Variants in LARGE1 observed in about 807,000 individuals in gnomAD.
LARGE1 encodes xylosyl- and glucuronyltransferase LARGE1.
A neutral mutation model predicts 87.6 loss-of-function variants in LARGE1; 43 were observed. The ratio of observed to expected loss-of-function variants is 0.49; its 90% confidence interval spans 0.38 to 0.63. LARGE1 has a LOEUF of 0.63. Ranked by LOEUF, LARGE1 falls within the 30% of genes least tolerant of loss-of-function variation. The pLI, the probability that LARGE1 is intolerant of heterozygous loss-of-function variation, is 0.00. For missense variants in LARGE1, 802 were observed against 1,000.2 expected (o/e 0.80, Z 2.67); for synonymous variants, 434 against 394.6 (o/e 1.10, Z -1.18).
intron 9 of LARGE1, among the ~76,000 whole-genome samples, chr22:33,366,769 C>G (rs112421939): frequency 6.6e-6 from 1 of 152,082 alleles, no homozygotes; most frequent in East Asian, 1.9e-4. Flanking sequence ...GTTTCAGTCT[C>G]GAGTATGTCT....
downstream of LARGE1, among the ~76,000 whole-genome samples, chr22:33,269,775 G>A (rs557241186): frequency 6.6e-6 from 1 of 152,232 alleles, no homozygotes; most frequent in Non-Finnish European, 1.5e-5. Flanking sequence ...GGAGGCCGAG[G>A]TGGGCGGATC....
intron 1 of LARGE1, among the ~76,000 whole-genome samples, chr22:33,838,589 T>C (rs1374016699): frequency 6.6e-6 from 1 of 152,186 alleles, no homozygotes; most frequent in African/African-American, 2.4e-5. Flanking sequence ...CAGTGTGAGC[T>C]ATGATTGTGC....
the LARGE1 span, among the ~76,000 whole-genome samples, chr22:33,072,611 A>C: frequency 5.4e-4 from 82 of 152,316 alleles, 3 homozygotes; most frequent in South Asian, 9.9e-3. Context: ...CTAAAGGTAA[A>C]GTACCAGAAT....
At chr22:33,145,137 G>A in the LARGE1 span, among the ~76,000 whole-genome samples, 2 of 152,126 alleles carry the variant, frequency 1.3e-5, no homozygotes, top group African/African-American at 4.8e-5. Context: ...GAAGGAGGGA[G>A]ATGTCCATGT....
chr22:33,165,574 C>T (rs1182383179), exon 12 of LARGE1: 1 of 152,076 alleles, frequency 6.6e-6, no homozygotes, highest in Non-Finnish European at 1.5e-5. Context: ...AGATCCAAAC[C>T]CCCAAAATTC....
chr22:33,418,199 G>A (rs1020208933), intron 7 of LARGE1, among the ~76,000 whole-genome samples: 3 of 152,086 alleles, frequency 2.0e-5, no homozygotes, highest in African/African-American at 7.2e-5. Flanking sequence ...CACCCGCCTC[G>A]GCCTCCCAAA....
At chr22:33,826,923 T>A (rs554302724) in intron 1 of LARGE1, among the ~76,000 whole-genome samples, 21 of 152,138 alleles carry the variant, frequency 1.4e-4, no homozygotes, top group African/African-American at 5.1e-4. Context: ...ATATCCAAGC[T>A]GGAAATAGCC....
At chr22:33,409,986 T>C (rs2147426088) in intron 7 of LARGE1, among the ~76,000 whole-genome samples, 1 of 151,930 alleles carries the variant, frequency 6.6e-6, no homozygotes, top group Non-Finnish European at 1.5e-5. Flanking sequence ...GGAAAGCAGG[T>C]ACAGAGTGGC....
chr22:33,434,849 C>A (rs999944492), intron 6 of LARGE1, among the ~76,000 whole-genome samples: 1 of 152,150 alleles, frequency 6.6e-6, no homozygotes, highest in Non-Finnish European at 1.5e-5. Context: ...GCCCCCCCTG[C>A]CAATCCCCAC....
At chr22:33,527,738 A>G (rs2071986179) in intron 6 of LARGE1, among the ~76,000 whole-genome samples, 1 of 152,120 alleles carries the variant, frequency 6.6e-6, no homozygotes, top group South Asian at 2.1e-4. Flanking sequence ...TGGCCCCTTG[A>G]CCAGAACAAA....
chr22:33,353,499 A>G (rs1222506412), intron 9 of LARGE1, among the ~76,000 whole-genome samples: 1 of 152,164 alleles, frequency 6.6e-6, no homozygotes, highest in East Asian at 1.9e-4. Flanking sequence ...TATTGCAGGA[A>G]GAGTCAGAGA....
chr22:33,409,355 T>G (rs17802641), intron 7 of LARGE1, among the ~76,000 whole-genome samples: 1 of 152,030 alleles, frequency 6.6e-6, no homozygotes, highest in South Asian at 2.1e-4. Context: ...GGGGAAAGCA[T>G]AGTATAGCAG....
chr22:33,707,505 C>T (rs1362503842), intron 2 of LARGE1, among the ~76,000 whole-genome samples: 1 of 152,244 alleles, frequency 6.6e-6, no homozygotes, highest in African/African-American at 2.4e-5. Context: ...TGCAAAACAA[C>T]CAAGACTGTC....
chr22:33,100,033 G>A, the LARGE1 span, among the ~76,000 whole-genome samples: 1 of 152,098 alleles, frequency 6.6e-6, no homozygotes, highest in Non-Finnish European at 1.5e-5. Flanking sequence ...GACACATGAG[G>A]CTATTTTTAA....
intron 11 of LARGE1, among the ~76,000 whole-genome samples, chr22:33,226,882 G>A (rs992437432): frequency 3.9e-5 from 6 of 151,958 alleles, no homozygotes; most frequent in Non-Finnish European, 7.4e-5. Flanking sequence ...GGCGCCTGCC[G>A]CCGCGCCTGG....
At chr22:33,393,642 G>A (rs1040866759) in intron 7 of LARGE1, among the ~76,000 whole-genome samples, 6 of 152,192 alleles carry the variant, frequency 3.9e-5, no homozygotes, top group Non-Finnish European at 7.3e-5. Flanking sequence ...CTTGACTTTG[G>A]CCTTTGCCTG....
chr22:33,844,883 G>A lies in LARGE1; in HGVS notation c.-83+75112C>T, dbSNP rs141398542. 9.4e-3 allele frequency among the ~76,000 whole-genome samples: 1,435 copies of A among 151,988 alleles called. 19 individuals carry two copies. The highest frequency in any genetic ancestry group is 0.031 in the African/African-American group (1,304 of 41,468). ...TTACAGGCACGCACCACCATGCCTG[G>A]CTAATGTTGTATTTTTAATAGAGAT... On this transcript the variant is annotated intron_variant, in intron 1 of 14. Transcript: ENST00000397394.
intron 6 of LARGE1, among the ~76,000 whole-genome samples, chr22:33,546,119 T>C (rs1458357217): frequency 6.6e-6 from 1 of 152,188 alleles, no homozygotes; most frequent in Non-Finnish European, 1.5e-5. Context: ...CAGTGGATTT[T>C]CAGTGCCTTC....
chr22:33,588,534 T>TGC (rs1491580920), intron 5 of LARGE1, among the ~76,000 whole-genome samples: 5 of 145,800 alleles, frequency 3.4e-5, no homozygotes, highest in Admixed American at 1.4e-4. Context: ...TGTGTGTGTG[T>TGC]GCGCACGCAC....
Sources: allele counts gnomAD v4.1 joint callset (sites outside exome capture counted in the v4.1 genomes callset), GRCh38; gene constraint gnomAD v4.1.1; transcripts MANE v1.5; gene names NCBI Gene and HGNC (gene_info 2026-07-23, HGNC 2026-07-21).